The following CSGALNACT1 variants were observed in gnomAD, a reference collection of about 807,000 sequenced individuals.
CSGALNACT1 encodes the protein chondroitin sulfate N-acetylgalactosaminyltransferase 1, also known as beta4GalNAcT-1.
A neutral mutation model predicts 51.0 loss-of-function variants in CSGALNACT1; 52 were observed. The observed-to-expected ratio is 1.02, with a 90% CI of 0.82 to 1.29. The LOEUF (loss-of-function observed/expected upper bound fraction) is 1.29. Among genes scored for constraint, CSGALNACT1 ranks in the 50% most tolerant of loss-of-function variants. The pLI is 0.00. For missense variants in CSGALNACT1, 935 were observed against 679.2 expected (o/e 1.38, Z -4.19); for synonymous variants, 341 against 254.4 (o/e 1.34, Z -3.24).
rs139893231 is a variant in CSGALNACT1, at chr8:19,540,590, A to G, written c.-296-34460T>C. On this transcript the variant is annotated intron_variant, in intron 3 of 9. Coordinates refer to ENST00000454498, the Ensembl canonical transcript of CSGALNACT1. ...AAAGCAACATAAGGAAAAATTTCAAATGTCTTAATGTGGTGGGCCAGGTTC... is the reference window on the plus strand; with the variant it reads ...AAAGCAACATAAGGAAAAATTTCAAGTGTCTTAATGTGGTGGGCCAGGTTC... 7.9e-5 allele frequency among the ~76,000 whole-genome samples: 12 copies of G among 152,264 alleles called. No individual in the cohort carries two copies. In the East Asian group the frequency reaches 1.7e-3, roughly 22 times the overall value.
intron 1 of CSGALNACT1, among the ~76,000 whole-genome samples, chr8:19,638,954 T>C (rs1249010944): frequency 1.3e-5 from 2 of 152,164 alleles, no homozygotes; most frequent in African/African-American, 2.4e-5. Flanking sequence ...AAAAGGCTTT[T>C]ACTACTGTAA....
At chr8:19,520,441 CCCTCT>C (rs1452508148) in intron 3 of CSGALNACT1, among the ~76,000 whole-genome samples, 1 of 152,228 alleles carries the variant, frequency 6.6e-6, no homozygotes, top group African/African-American at 2.4e-5. Context: ...GCCTATGAGT[CCCTCT>C]CCTGGAGTCC....
At position 19,441,589 on chromosome 8, in the gene CSGALNACT1, C is replaced by A. The variant is rs545754271; in HGVS notation, c.852-1658G>T. 3.0e-3 allele frequency among the ~76,000 whole-genome samples: 456 copies of A among 152,246 alleles called. 2 individuals are homozygous for A. Among genetic ancestry groups the A allele is most frequent in the Middle Eastern group, 0.017 (5 of 294 alleles). ...GAATTCAAGATGGATTAAAGACTTA[C>A]ATGTTAGACCTAAAACCATAAAAAC... is the stretch of plus-strand genomic sequence containing the variant. On this transcript the variant is annotated intron_variant, in intron 5 of 9. Coordinates refer to ENST00000454498, the Ensembl canonical transcript of CSGALNACT1.
chr8:19,507,785 C>T (rs1228733125), intron 3 of CSGALNACT1, among the ~76,000 whole-genome samples: 1 of 152,124 alleles, frequency 6.6e-6, no homozygotes, highest in Non-Finnish European at 1.5e-5. Flanking sequence ...GCATCACCAC[C>T]CCTGGCTAAT....
chr8:19,748,367 G>T (rs1046302941), intron 1 of CSGALNACT1, among the ~76,000 whole-genome samples: 1 of 151,992 alleles, frequency 6.6e-6, no homozygotes, highest in African/African-American at 2.4e-5. Flanking sequence ...GTACACAGTA[G>T]GTATTCAAGA....
At chr8:19,683,537 C>G (rs2060784488), upstream of CSGALNACT1, among the ~76,000 whole-genome samples, 1 of 152,098 alleles carries the variant, frequency 6.6e-6, no homozygotes, top group African/African-American at 2.4e-5. Context: ...TATACAGTCC[C>G]TTTCGTAACT....
intron 7 of CSGALNACT1, 111 bp from the exon 7 acceptor site, chr8:19,418,861 T>C: frequency 1.3e-6 from 1 of 762,324 alleles, no homozygotes; most frequent in Non-Finnish European, 2.3e-6. Flanking sequence ...CACTTTTTTT[T>C]TCTTTGAGAG....
At chr8:19,662,992 AG>A (rs1331642617) in intron 1 of CSGALNACT1, among the ~76,000 whole-genome samples, 1 of 152,218 alleles carries the variant, frequency 6.6e-6, no homozygotes, top group African/African-American at 2.4e-5. Flanking sequence ...GGAAAAGGAA[AG>A]GGGGAAAAAA....
At chr8:19,627,870 T>C (rs1451239609) in intron 1 of CSGALNACT1, among the ~76,000 whole-genome samples, 1 of 152,150 alleles carries the variant, frequency 6.6e-6, no homozygotes, top group Non-Finnish European at 1.5e-5. Flanking sequence ...GAAATCTGAA[T>C]ACAGTCAGTA....
rs17128545 is a variant in CSGALNACT1 at position 19,521,207 on chromosome 8, T to G, written c.-296-15077A>C. On this transcript the variant is annotated intron_variant, in intron 3 of 9. Transcript: ENST00000454498. ...ACAGACTCACACGATCAGAATTGAA[T>G]TTTAGCAAATAAGCAGTGTTGACAT... Among the ~76,000 whole-genome samples the G allele has an allele frequency of 6.0e-3, 909 of 152,226 alleles. 10 individuals are homozygous for G. Among genetic ancestry groups the G allele is most frequent in the African/African-American group, 0.021 (856 of 41,534 alleles).
At chr8:19,712,500 C>G (rs905577381) in intron 1 of CSGALNACT1, among the ~76,000 whole-genome samples, 5 of 152,152 alleles carry the variant, frequency 3.3e-5, no homozygotes, top group African/African-American at 4.8e-5. Flanking sequence ...ACTGAGTACT[C>G]TCTTCCTGAA....
At chr8:19,532,305 A>T (rs891057340) in intron 3 of CSGALNACT1, among the ~76,000 whole-genome samples, 1 of 152,118 alleles carries the variant, frequency 6.6e-6, no homozygotes, top group Non-Finnish European at 1.5e-5. Flanking sequence ...CAAAACAACA[A>T]TTATCCCAGT....
chr8:19,743,575 A>C (rs976509452), intron 1 of CSGALNACT1, among the ~76,000 whole-genome samples: 5 of 152,214 alleles, frequency 3.3e-5, no homozygotes, highest in Non-Finnish European at 7.3e-5. Flanking sequence ...TAAGTTGAGA[A>C]AGTAAGTAAG....
chr8:19,716,491 T>C (rs1427030077), intron 1 of CSGALNACT1, among the ~76,000 whole-genome samples: 1 of 151,554 alleles, frequency 6.6e-6, no homozygotes, highest in Non-Finnish European at 1.5e-5. Flanking sequence ...AAAAAATATA[T>C]TTCCAGCTGG....
chr8:19,525,744 G>A (rs577832432), intron 3 of CSGALNACT1, among the ~76,000 whole-genome samples: 1 of 150,926 alleles, frequency 6.6e-6, no homozygotes, highest in Non-Finnish European at 1.5e-5. Flanking sequence ...CCTGCCCTCG[G>A]AGCACATTTG....
chr8:19,692,280 A>G (rs2061371508), intron 1 of CSGALNACT1, among the ~76,000 whole-genome samples: 1 of 152,202 alleles, frequency 6.6e-6, no homozygotes, highest in African/African-American at 2.4e-5. Flanking sequence ...GAGTGGGAGA[A>G]CTTAAGGGGC....
At chr8:19,481,805 C>A (rs2153922511) in intron 4 of CSGALNACT1, among the ~76,000 whole-genome samples, 1 of 152,242 alleles carries the variant, frequency 6.6e-6, no homozygotes, top group South Asian at 2.1e-4. Flanking sequence ...AGACTTAAGC[C>A]AACAAACATG....
exon 10 of CSGALNACT1, chr8:19,405,374 G>T (rs900029104): frequency 2.2e-6 from 1 of 457,342 alleles, no homozygotes; most frequent in African/African-American, 2.0e-5. Flanking sequence ...GAGCCCTGCT[G>T]ATAGGCTCAT....
In CSGALNACT1 at chr8:19,668,341, T is replaced by TACACAC. The variant is rs111315690; in HGVS notation, c.-544+14126_-544+14131dup. ...TCTGTCTTGCACATACATGCACGGTTACACACACACACACACACAACTTTA... is the reference window on the plus strand; with the variant it reads ...TCTGTCTTGCACATACATGCACGGTTACACACACACACACACACACACACAACTTTA... On this transcript the variant is annotated intron_variant, in intron 1 of 9. Transcript: ENST00000332246. Among the ~76,000 whole-genome samples, 1,101 of 150,744 alleles carry TACACAC rather than the reference T, an allele frequency of 7.3e-3. 20 individuals are homozygous for TACACAC. The highest frequency in any genetic ancestry group is 0.024 in the East Asian group (125 of 5,114).
Sources: allele counts gnomAD v4.1 joint callset (sites outside exome capture counted in the v4.1 genomes callset), GRCh38; gene constraint gnomAD v4.1.1; transcripts MANE v1.5; gene names NCBI Gene and HGNC (gene_info 2026-07-23, HGNC 2026-07-21).